The following PEPD variants were observed in gnomAD, a reference collection of about 807,000 sequenced individuals.
The protein encoded by PEPD is xaa-Pro dipeptidase.
A neutral mutation model predicts 60.7 loss-of-function variants in PEPD; 53 were observed. The ratio of observed to expected loss-of-function variants is 0.87; its 90% CI spans 0.70 to 1.10. The LOEUF (loss-of-function observed/expected upper bound fraction) is 1.10. Ranked by LOEUF, PEPD falls within the 50% of genes least tolerant of loss-of-function variation. The pLI is 0.00. For synonymous variants in PEPD, 267 were observed against 284.1 expected, an observed-to-expected ratio of 0.94 and a Z score of 0.60; for missense variants, 711 against 711.9, an observed-to-expected ratio of 1.00 and a Z score of 0.01.
intron 6 of PEPD, among the ~76,000 whole-genome samples, chr19:33,483,022 A>G (rs1434103558): frequency 2.6e-5 from 4 of 152,242 alleles, no homozygotes; most frequent in Non-Finnish European, 4.4e-5. Flanking sequence ...AAGTTTCAAC[A>G]TATTTTAAAG....
At chr19:33,461,549 C>T (rs73590256) in intron 9 of PEPD, among the ~76,000 whole-genome samples, 1,827 of 152,300 alleles carry the variant, frequency 0.012, 40 homozygotes, top group African/African-American at 0.041. Flanking sequence ...GGGTTCCACA[C>T]TGGGCTCAGC....
At chr19:33,418,880 T>C (rs1183638805) in intron 9 of PEPD, among the ~76,000 whole-genome samples, 1 of 152,172 alleles carries the variant, frequency 6.6e-6, no homozygotes, top group Non-Finnish European at 1.5e-5. Context: ...ACCTGAAGCC[T>C]CGGACTAAAG....
chr19:33,475,118 G>A (rs1400709669), intron 7 of PEPD, among the ~76,000 whole-genome samples: 1 of 152,082 alleles, frequency 6.6e-6, no homozygotes, highest in Non-Finnish European at 1.5e-5. Flanking sequence ...CCACATCTCC[G>A]TTTTACAGAT....
At position 33,430,728 on chromosome 19, in the gene PEPD, G is replaced by A. The variant is rs576999227; in HGVS notation, c.672-17085C>T. The stretch of plus-strand genomic sequence containing the variant: ...TACCTGTCAAAGACCTGCTCCCCTC[G>A]CCCCAGCCTCGCCCCACTGGCCCCA... On this transcript the variant is annotated intron_variant, in intron 9 of 14. Coordinates refer to ENST00000244137, the MANE Select transcript of PEPD (RefSeq NM_000285.4). Among the ~76,000 whole-genome samples, 9 of 152,028 alleles carry A rather than the reference G, an allele frequency of 5.9e-5. No individual in the cohort carries two copies. In the South Asian group the frequency reaches 1.2e-3, roughly 21 times the overall value.
intron 6 of PEPD, among the ~76,000 whole-genome samples, chr19:33,486,574 T>A (rs115471740): frequency 4.5e-4 from 68 of 152,116 alleles, no homozygotes; most frequent in Middle Eastern, 3.4e-3. Flanking sequence ...CTCTGCCCTG[T>A]CCCCTCTGCT....
intron 9 of PEPD, among the ~76,000 whole-genome samples, chr19:33,462,145 G>A (rs558487928): frequency 2.0e-5 from 3 of 152,364 alleles, no homozygotes; most frequent in East Asian, 1.9e-4. Flanking sequence ...CAGGGCCGGG[G>A]CTCTGAACAG....
At chr19:33,505,553 A>G (rs2547228) in intron 3 of PEPD, among the ~76,000 whole-genome samples, 38,374 of 151,748 alleles carry the variant, frequency 0.25, 5,057 homozygotes, top group East Asian at 0.36. Context: ...AGGGCCCCCG[A>G]CACCCTGCCA....
intron 9 of PEPD, among the ~76,000 whole-genome samples, chr19:33,422,624 T>TCTC: frequency 8.6e-6 from 1 of 116,904 alleles, no homozygotes; most frequent in African/African-American, 3.5e-5. Flanking sequence ...TCCATCCCTC[T>TCTC]ATCATCTATC....
intron 9 of PEPD, among the ~76,000 whole-genome samples, chr19:33,423,228 CTTTGGT>C (rs1969070276): frequency 6.6e-6 from 1 of 152,224 alleles, no homozygotes; most frequent in Non-Finnish European, 1.5e-5. Context: ...CATCAGAAGT[CTTTGGT>C]ATACCTCTGT....
intron 12 of PEPD, among the ~76,000 whole-genome samples, chr19:33,394,727 C>T (rs1268343280): frequency 6.6e-6 from 1 of 152,200 alleles, no homozygotes; most frequent in Non-Finnish European, 1.5e-5. Flanking sequence ...CACCGTCAAG[C>T]TCTCTAGTCC....
intron 9 of PEPD, among the ~76,000 whole-genome samples, chr19:33,418,290 T>C (rs899355661): frequency 6.6e-6 from 1 of 152,224 alleles, no homozygotes; most frequent in Non-Finnish European, 1.5e-5. Flanking sequence ...GATACACCAC[T>C]TACTAAGGGA....
intron 9 of PEPD, among the ~76,000 whole-genome samples, chr19:33,460,528 C>T (rs1969906696): frequency 6.6e-6 from 1 of 152,174 alleles, no homozygotes; most frequent in Non-Finnish European, 1.5e-5. Context: ...ACCCCTCTCT[C>T]CCAACTCGGT....
intron 8 of PEPD, among the ~76,000 whole-genome samples, chr19:33,463,313 C>T (rs372363524): frequency 1.3e-5 from 2 of 152,306 alleles, no homozygotes; most frequent in East Asian, 1.9e-4. Flanking sequence ...ACCAGCAGCC[C>T]GAGGACAGTG....
intron 4 of PEPD, among the ~76,000 whole-genome samples, chr19:33,500,172 T>C (rs1249222902): frequency 1.3e-5 from 2 of 152,200 alleles, no homozygotes; most frequent in African/African-American, 4.8e-5. Context: ...GTGCTTCACA[T>C]TCTACACGGC....
intron 3 of PEPD, among the ~76,000 whole-genome samples, chr19:33,508,262 G>C (rs572245552): frequency 6.6e-6 from 1 of 152,142 alleles, no homozygotes; most frequent in South Asian, 2.1e-4. Context: ...GGTGTCACCC[G>C]GAGCCAAGGG....
chr19:33,452,770 T>G (rs1044484063), intron 9 of PEPD, among the ~76,000 whole-genome samples: 1 of 152,162 alleles, frequency 6.6e-6, no homozygotes, highest in Admixed American at 6.5e-5. Flanking sequence ...AACAATCCCA[T>G]AGGAAAATCT....
chr19:33,399,725 G>A (rs1968446188), intron 12 of PEPD, among the ~76,000 whole-genome samples: 1 of 152,236 alleles, frequency 6.6e-6, no homozygotes, highest in Non-Finnish European at 1.5e-5. Context: ...CGACCGCCGA[G>A]CCATCAAGTT....
At chr19:33,446,214 C>A (rs1295510577) in intron 9 of PEPD, among the ~76,000 whole-genome samples, 1 of 152,158 alleles carries the variant, frequency 6.6e-6, no homozygotes, top group African/African-American at 2.4e-5. Context: ...CCACCCATCA[C>A]GGCAGCCGCC....
At chr19:33,505,354 G>A (rs1306247609) in intron 3 of PEPD, among the ~76,000 whole-genome samples, 2 of 152,064 alleles carry the variant, frequency 1.3e-5, no homozygotes, top group Admixed American at 1.3e-4. Context: ...CCACAGTGAC[G>A]CAGGTGCCTA....
Sources: gnomAD v4.1 joint callset for allele counts (sites outside exome capture counted in the v4.1 genomes callset) on GRCh38, gnomAD v4.1.1 for gene constraint, MANE v1.5 for transcripts, NCBI Gene and HGNC (gene_info 2026-07-23, HGNC 2026-07-21) for gene names.